Variants in SAMMSON observed in about 807,000 individuals in gnomAD.
SAMMSON encodes the protein long intergenic non-protein coding RNA 1212.
At chr3:70,036,995 G>T (rs574038814) in intron 3 of SAMMSON, among the ~76,000 whole-genome samples, 1 of 152,166 alleles carries the variant, frequency 6.6e-6, no homozygotes, top group Admixed American at 6.6e-5. Context: ...ATGATTAATA[G>T]AATGTCAAAA....
At chr3:70,009,575 T>G (rs1162560160) in intron 1 of SAMMSON, among the ~76,000 whole-genome samples, 1 of 152,176 alleles carries the variant, frequency 6.6e-6, no homozygotes, top group Non-Finnish European at 1.5e-5. Context: ...TTGTTGATCT[T>G]TTCAGAAAAC....
intron 3 of SAMMSON, among the ~76,000 whole-genome samples, chr3:70,018,014 A>C (rs1559773498): frequency 1.3e-5 from 2 of 152,146 alleles, no homozygotes; most frequent in Non-Finnish European, 2.9e-5. Flanking sequence ...TTTTGCATCG[A>C]TGTTCATCAG....
chr3:70,422,654 T>C (rs1701322414), intron 2 of SAMMSON, among the ~76,000 whole-genome samples: 1 of 151,968 alleles, frequency 6.6e-6, no homozygotes, highest in African/African-American at 2.4e-5. Flanking sequence ...CTAGTAAGGG[T>C]CATCATAAAG....
At chr3:70,051,048 T>C (rs1410319427) in intron 3 of SAMMSON, among the ~76,000 whole-genome samples, 1 of 143,072 alleles carries the variant, frequency 7.0e-6, no homozygotes, top group Non-Finnish European at 1.5e-5. Flanking sequence ...AGGCAGGAGA[T>C]TGCTTGAACC....
chr3:70,098,191 C>A (rs1307858377), intron 4 of SAMMSON, among the ~76,000 whole-genome samples: 3 of 152,082 alleles, frequency 2.0e-5, no homozygotes, highest in African/African-American at 7.2e-5. Flanking sequence ...GACTAGAGTC[C>A]AGATAAAGTC....
chr3:70,408,163 C>T (rs1404939378), intron 2 of SAMMSON, among the ~76,000 whole-genome samples: 1 of 152,174 alleles, frequency 6.6e-6, no homozygotes, highest in African/African-American at 2.4e-5. Flanking sequence ...GGGCCCTGCC[C>T]ATGAAACCAT....
At chr3:70,349,164 C>T (rs1210204766) in intron 7 of SAMMSON, among the ~76,000 whole-genome samples, 3 of 151,960 alleles carry the variant, frequency 2.0e-5, no homozygotes, top group Admixed American at 6.6e-5. Context: ...CACCCAAGGT[C>T]GGGATTTGAG....
At chr3:70,051,547 A>G (rs1281577768) in intron 3 of SAMMSON, among the ~76,000 whole-genome samples, 1 of 151,212 alleles carries the variant, frequency 6.6e-6, no homozygotes, top group African/African-American at 2.4e-5. Flanking sequence ...CTGTGCTGTT[A>G]AAAGGGTTGT....
intron 4 of SAMMSON, among the ~76,000 whole-genome samples, chr3:70,124,775 A>T (rs34951219): frequency 1.4e-5 from 2 of 139,912 alleles, no homozygotes; most frequent in African/African-American, 2.7e-5. Context: ...AGATCGTGCC[A>T]GTGCACTCCA....
chr3:70,357,561 G>A (rs1702838650), intron 8 of SAMMSON, among the ~76,000 whole-genome samples: 2 of 151,984 alleles, frequency 1.3e-5, no homozygotes, highest in African/African-American at 2.4e-5. Flanking sequence ...ACAGAGTGGG[G>A]AACAACACAC....
At chr3:70,300,625 AAAG>A (rs1702337879) in intron 7 of SAMMSON, among the ~76,000 whole-genome samples, 1 of 152,110 alleles carries the variant, frequency 6.6e-6, no homozygotes, top group South Asian at 2.1e-4. Context: ...TCTAAAATAA[AAAG>A]AACTAGTTAT....
rs933974476 is a variant in SAMMSON, at chr3:70,116,205, C to G, written n.507+44640C>G. Among the ~76,000 whole-genome samples the G allele has an allele frequency of 7.4e-5, 11 of 149,052 alleles. 1 individual carries two copies. In the Admixed American group the frequency reaches 7.4e-4, roughly 10 times the overall value. ...AAAGAATCTAGCATTTATCTGAGCA[C>G]AGATATTGGAAATTATTGCAAAGGG... On this transcript the variant is annotated intron_variant and non_coding_transcript_variant, in intron 4 of 9. Coordinates refer to ENST00000642114, the Ensembl canonical transcript of SAMMSON.
intron 4 of SAMMSON, among the ~76,000 whole-genome samples, chr3:70,200,031 A>G (rs949490243): frequency 1.3e-5 from 2 of 152,176 alleles, no homozygotes; most frequent in Non-Finnish European, 2.9e-5. Context: ...GAAACCTGGT[A>G]GTCATTCTTT....
intron 4 of SAMMSON, among the ~76,000 whole-genome samples, chr3:70,246,325 G>A (rs1172571521): frequency 6.6e-6 from 1 of 152,092 alleles, no homozygotes. Context: ...TTGAACGTAA[G>A]CTGGAAAGAA....
chr3:70,180,973 A>T (rs1701049076), intron 4 of SAMMSON, among the ~76,000 whole-genome samples: 5 of 152,172 alleles, frequency 3.3e-5, no homozygotes. Context: ...AGAACTGCTT[A>T]TGTTGGGGGA....
At chr3:70,428,288 CAA>C (rs1299403111) in intron 2 of SAMMSON, among the ~76,000 whole-genome samples, 2 of 151,712 alleles carry the variant, frequency 1.3e-5, no homozygotes, top group Non-Finnish European at 2.9e-5. Flanking sequence ...CTAGAATAGC[CAA>C]AAAAATTTTT....
intron 4 of SAMMSON, among the ~76,000 whole-genome samples, chr3:70,239,014 A>C (rs1701639321): frequency 6.6e-6 from 1 of 152,212 alleles, no homozygotes; most frequent in Admixed American, 6.5e-5. Flanking sequence ...AATTTTGTGA[A>C]GGTATGCCAA....
intron 3 of SAMMSON, among the ~76,000 whole-genome samples, chr3:70,053,906 A>C (rs1175594422): frequency 1.3e-5 from 2 of 152,152 alleles, no homozygotes; most frequent in Non-Finnish European, 2.9e-5. Context: ...AGAATGCACA[A>C]AAATACTCTG....
intron 6 of SAMMSON, among the ~76,000 whole-genome samples, chr3:70,288,541 T>A (rs907403172): frequency 6.7e-6 from 1 of 150,018 alleles, no homozygotes; most frequent in South Asian, 2.2e-4. Context: ...TTCTATTGAT[T>A]TGGGGTGGAG....
Sources: allele counts gnomAD v4.1 joint callset (sites outside exome capture counted in the v4.1 genomes callset), GRCh38; gene constraint gnomAD v4.1.1; transcripts MANE v1.5; gene names NCBI Gene and HGNC (gene_info 2026-07-23, HGNC 2026-07-21).